OSBPL9: variants seen among roughly 807,000 people sequenced by gnomAD.
OSBPL9 encodes the protein oxysterol-binding protein-related protein 9.
A neutral mutation model predicts 106.6 loss-of-function variants in OSBPL9; 40 were observed. That is an observed-to-expected ratio of 0.38 (90% CI 0.29 to 0.49). OSBPL9 has a LOEUF of 0.49. OSBPL9 is among the 20% of genes least tolerant of loss of function. The probability of loss-of-function intolerance (pLI) is 0.97; values close to 1 mark genes in which losing one functional copy is unlikely to be tolerated. For synonymous variants in OSBPL9, 269 were observed against 295.4 expected, an observed-to-expected ratio of 0.91 and a Z score of 0.92; for missense variants, 609 against 887.2, an observed-to-expected ratio of 0.69 and a Z score of 3.98.
At chr1:51,597,779 G>T (rs910475718) in intron 1 of OSBPL9, among the ~76,000 whole-genome samples, 20 of 152,166 alleles carry the variant, frequency 1.3e-4, no homozygotes, top group African/African-American at 4.8e-4. Context: ...TAGGTTGTTT[G>T]CCCATTGGCA....
chr1:51,617,522 A>G (rs1171584212), intron 1 of OSBPL9, among the ~76,000 whole-genome samples: 4 of 152,060 alleles, frequency 2.6e-5, no homozygotes, highest in African/African-American at 9.7e-5. Flanking sequence ...TGAGCGGGTA[A>G]GGGTGATCGT....
the OSBPL9 span, among the ~76,000 whole-genome samples, chr1:51,543,880 ACAT>A: frequency 6.6e-6 from 1 of 152,252 alleles, no homozygotes; most frequent in African/African-American, 2.4e-5. Context: ...CATAGTGCTG[ACAT>A]CATGCCCACT....
At chr1:51,619,137 A>C (rs532909792) in intron 1 of OSBPL9, among the ~76,000 whole-genome samples, 2 of 152,326 alleles carry the variant, frequency 1.3e-5, no homozygotes, top group East Asian at 3.9e-4. Flanking sequence ...TAGATAAAGG[A>C]AAAGTAATAT....
chr1:51,596,108 A>C (rs980773983), intron 1 of OSBPL9, among the ~76,000 whole-genome samples: 1 of 151,562 alleles, frequency 6.6e-6, no homozygotes, highest in African/African-American at 2.4e-5. Flanking sequence ...AAATACAAAA[A>C]TTAGCCGGGC....
the OSBPL9 span, among the ~76,000 whole-genome samples, chr1:51,543,866 C>G: frequency 6.6e-6 from 1 of 152,190 alleles, no homozygotes; most frequent in South Asian, 2.1e-4. Flanking sequence ...ACCCCTAGGT[C>G]AAACATAGTG....
chr1:51,746,818 C>CT, intron 6 of OSBPL9, 61 bp downstream of exon 6: 1 of 1,349,540 alleles, frequency 7.4e-7, no homozygotes, highest in South Asian at 1.2e-5. Flanking sequence ...TTGGAGAACA[C>CT]TAAGTATCTT....
intron 14 of OSBPL9, among the ~76,000 whole-genome samples, chr1:51,774,185 C>A (rs770910608): frequency 6.6e-6 from 1 of 152,128 alleles, no homozygotes; most frequent in Admixed American, 6.5e-5. Context: ...AATCAGAGTT[C>A]TTGGGGGTGA....
intron 2 of OSBPL9, among the ~76,000 whole-genome samples, chr1:51,601,860 G>A (rs1028185579): frequency 3.4e-4 from 51 of 152,098 alleles, no homozygotes; most frequent in Non-Finnish European, 5.7e-4. Context: ...TTGTGCAGAA[G>A]GTATTCTTAT....
chr1:51,619,191 A>G (rs1644271542), intron 1 of OSBPL9, among the ~76,000 whole-genome samples: 1 of 152,238 alleles, frequency 6.6e-6, no homozygotes, highest in Non-Finnish European at 1.5e-5. Flanking sequence ...CGTAAACTCT[A>G]TTCAAGATAG....
At chr1:51,736,142 C>T (rs527579637) in intron 4 of OSBPL9, among the ~76,000 whole-genome samples, 3 of 152,190 alleles carry the variant, frequency 2.0e-5, no homozygotes, top group Admixed American at 6.5e-5. Context: ...AACACTAGCC[C>T]GGTGGAGATA....
At chr1:51,731,832 A>G (rs1664528319) in intron 4 of OSBPL9, among the ~76,000 whole-genome samples, 6 of 151,702 alleles carry the variant, frequency 4.0e-5, no homozygotes, top group Admixed American at 3.9e-4. Context: ...CTGATTTGAG[A>G]GCTTAAGTGA....
At chr1:51,730,046 C>T in intron 4 of OSBPL9, 1 of 1,293,888 alleles carries the variant, frequency 7.7e-7, no homozygotes, top group Non-Finnish European at 9.9e-7. Context: ...GCCCCTACCC[C>T]TGAGTCCCCG....
intron 15 of OSBPL9, among the ~76,000 whole-genome samples, chr1:51,780,861 T>C (rs1676216578): frequency 6.6e-6 from 1 of 152,110 alleles, no homozygotes; most frequent in African/African-American, 2.4e-5. Flanking sequence ...TAGTGTACAC[T>C]GCTTGGGTGA....
intron 2 of OSBPL9, among the ~76,000 whole-genome samples, chr1:51,606,981 C>T (rs1260227050): frequency 6.6e-6 from 1 of 151,396 alleles, no homozygotes. Flanking sequence ...ACCCGGGAGG[C>T]GGAGCTTGCA....
At chr1:51,530,906 C>T in the OSBPL9 span, among the ~76,000 whole-genome samples, 1 of 131,118 alleles carries the variant, frequency 7.6e-6, no homozygotes, top group Non-Finnish European at 1.6e-5. Context: ...CCCGGGAGGC[C>T]GAGGCTGCAG....
chr1:51,737,128 A>G (rs1423965975), intron 4 of OSBPL9, among the ~76,000 whole-genome samples: 1 of 152,022 alleles, frequency 6.6e-6, no homozygotes, highest in Non-Finnish European at 1.5e-5. Context: ...ACGAAGTTTT[A>G]AGTGCTTTTT....
At chr1:51,531,590 A>G in the OSBPL9 span, among the ~76,000 whole-genome samples, 2 of 152,232 alleles carry the variant, frequency 1.3e-5, no homozygotes, top group East Asian at 3.9e-4. Flanking sequence ...TGAGATGAGT[A>G]AGACTATGGA....
At chr1:51,742,181 C>T (rs1262633100) in intron 4 of OSBPL9, among the ~76,000 whole-genome samples, 2 of 152,102 alleles carry the variant, frequency 1.3e-5, no homozygotes, top group Non-Finnish European at 2.9e-5. Context: ...AGTTCCTGCC[C>T]TTGTGGAGTT....
At chr1:51,640,694 G>A (rs899787866) in intron 1 of OSBPL9, among the ~76,000 whole-genome samples, 1 of 152,112 alleles carries the variant, frequency 6.6e-6, no homozygotes, top group East Asian at 1.9e-4. Flanking sequence ...AAAGTGGTCT[G>A]GGACCATTCA....
Sources: gnomAD v4.1 joint callset for allele counts (sites outside exome capture counted in the v4.1 genomes callset) on GRCh38, gnomAD v4.1.1 for gene constraint, MANE v1.5 for transcripts, NCBI Gene and HGNC (gene_info 2026-07-23, HGNC 2026-07-21) for gene names.